WWTR1: variants seen among roughly 807,000 people sequenced by gnomAD.
The protein encoded by WWTR1 is WW domain containing transcription regulator 1.
In WWTR1, 13 loss-of-function variants were observed where a neutral mutation model predicts 40.1. That is an observed-to-expected ratio of 0.32 (90% CI 0.21 to 0.52). The LOEUF is 0.52. WWTR1 is among the 20% of genes least tolerant of loss of function. WWTR1 has a pLI of 0.97. For synonymous variants in WWTR1, 230 were observed against 210.1 expected (o/e 1.09, Z -0.82); for missense variants, 436 against 523.1 (o/e 0.83, Z 1.63).
chr3:149,568,550 A>ACCC (rs1430212120), intron 3 of WWTR1, among the ~76,000 whole-genome samples: 2 of 110,860 alleles, frequency 1.8e-5, no homozygotes, highest in Non-Finnish European at 3.6e-5. Flanking sequence ...AAAAAAAAAA[A>ACCC]AAAAAAAAAA....
At chr3:149,553,817 T>C (rs553001253) in intron 3 of WWTR1, among the ~76,000 whole-genome samples, 12 of 152,126 alleles carry the variant, frequency 7.9e-5, no homozygotes, top group African/African-American at 2.4e-4. Context: ...GCTTAACTCA[T>C]GTGAACTGGC....
chr3:149,573,182 G>A (rs559916229), intron 2 of WWTR1, among the ~76,000 whole-genome samples, 182 bp from the exon 3 acceptor site: 3 of 152,140 alleles, frequency 2.0e-5, no homozygotes, highest in East Asian at 3.9e-4. Context: ...TCCTGGTTAG[G>A]CCACACTGGG....
rs1408203039 is a variant in WWTR1, at chr3:149,520,224, T to C, written c.*581A>G. 6.6e-6 allele frequency: 1 copy of C among 152,152 alleles called. No individual in the cohort carries two copies. Among genetic ancestry groups the C allele is most frequent in the African/African-American group, 2.4e-5 (1 of 41,410 alleles). The allele number at this position is 152,152 out of a possible 1,614,324, so 9.4% of individuals were successfully genotyped here. A position where few individuals can be genotyped will look rare whatever the true frequency, so the allele number is the denominator to read the frequency against. On this transcript the variant is annotated 3_prime_UTR_variant, in exon 7 of 7. Coordinates refer to ENST00000360632, the MANE Select transcript of WWTR1 (RefSeq NM_015472.6). ...GTGTGCCTTTATAAATACAGACTAA[T>C]AAGAGCCATCAGAGCCAGCATGGAT...
chr3:149,692,077 A>G (rs969798220), intron 1 of WWTR1, among the ~76,000 whole-genome samples: 2 of 152,174 alleles, frequency 1.3e-5, no homozygotes, highest in Non-Finnish European at 2.9e-5. Flanking sequence ...ATTCCAAAAA[A>G]TAGAGGAGGA....
At chr3:149,656,756 C>T in intron 2 of WWTR1, 120 bp downstream of exon 2, 1 of 713,528 alleles carries the variant, frequency 1.4e-6, no homozygotes, top group Non-Finnish European at 1.9e-6. Context: ...CACGCACCAT[C>T]TCTCTCTTTC....
At chr3:149,584,021 C>T (rs923482387) in intron 2 of WWTR1, among the ~76,000 whole-genome samples, 5 of 152,206 alleles carry the variant, frequency 3.3e-5, no homozygotes, top group Non-Finnish European at 5.9e-5. Context: ...AGAGTAGCCA[C>T]TAAGCTACTC....
Position 149,526,134 on chromosome 3 carries a change from C to A in WWTR1, c.906-9G>T. 6.4e-7 allele frequency: 1 copy of A among 1,568,736 alleles called. No homozygotes were observed. The highest frequency in any genetic ancestry group is 8.6e-7 in the Non-Finnish European group (1 of 1,161,096). On this transcript the variant is annotated splice_polypyrimidine_tract_variant and intron_variant, in intron 5 of 6. Coordinates refer to ENST00000360632, the MANE Select transcript of WWTR1 (RefSeq NM_015472.6). The stretch of plus-strand genomic sequence containing the variant: ...TCGAATGATATGGCCCTCTGCAAAG[C>A]AAAAGATGAAGAAACTTCAATATGA...
chr3:149,594,950 C>CCT (rs1738915943), intron 2 of WWTR1, among the ~76,000 whole-genome samples: 3 of 61,772 alleles, frequency 4.9e-5, no homozygotes, highest in Non-Finnish European at 6.9e-5. Context: ...CTCTTTTTTA[C>CCT]TTTTTTTTTT....
chr3:149,683,929 C>T (rs1332612725), intron 1 of WWTR1, among the ~76,000 whole-genome samples: 1 of 152,070 alleles, frequency 6.6e-6, no homozygotes, highest in Non-Finnish European at 1.5e-5. Context: ...CTCCTCAAGG[C>T]TCTTCATTAG....
At chr3:149,542,817 A>G (rs1436192185) in intron 3 of WWTR1, among the ~76,000 whole-genome samples, 1 of 152,186 alleles carries the variant, frequency 6.6e-6, no homozygotes, top group Non-Finnish European at 1.5e-5. Flanking sequence ...CCTTACATAG[A>G]ACATAGTGGT....
At chr3:149,571,458 CT>C (rs1388810028) in intron 3 of WWTR1, among the ~76,000 whole-genome samples, 3 of 152,074 alleles carry the variant, frequency 2.0e-5, no homozygotes, top group Non-Finnish European at 4.4e-5. Context: ...TCACTGGAGG[CT>C]TTGGTTTACC....
intron 2 of WWTR1, among the ~76,000 whole-genome samples, chr3:149,621,665 A>T (rs1740278724): frequency 6.6e-6 from 1 of 152,258 alleles, no homozygotes. Context: ...ACATTCACTC[A>T]GAAGACAGAA....
intron 4 of WWTR1, among the ~76,000 whole-genome samples, chr3:149,537,929 T>A (rs1735909408): frequency 6.6e-6 from 1 of 152,130 alleles, no homozygotes; most frequent in South Asian, 2.1e-4. Flanking sequence ...TTTTTAATTT[T>A]TTTTTTTTGA....
intron 1 of WWTR1, among the ~76,000 whole-genome samples, chr3:149,675,093 T>C (rs1267814154): frequency 2.0e-5 from 3 of 152,214 alleles, no homozygotes; most frequent in Non-Finnish European, 4.4e-5. Context: ...TCATATATCT[T>C]ACTTCTTTTG....
chr3:149,602,307 G>A (rs1279093681), intron 2 of WWTR1, among the ~76,000 whole-genome samples: 2 of 152,182 alleles, frequency 1.3e-5, no homozygotes, highest in African/African-American at 4.8e-5. Flanking sequence ...GCATTCACAT[G>A]TATTTTTGCT....
intron 2 of WWTR1, among the ~76,000 whole-genome samples, chr3:149,650,471 G>T (rs1183927552): frequency 6.6e-6 from 1 of 152,062 alleles, no homozygotes; most frequent in East Asian, 1.9e-4. Flanking sequence ...TCACTGTGAG[G>T]GTTAAAAGAA....
chr3:149,720,140 G>GT (rs1177013252), intron 4 of WWTR1, among the ~76,000 whole-genome samples: 7 of 151,986 alleles, frequency 4.6e-5, no homozygotes, highest in Admixed American at 1.3e-4. Flanking sequence ...CAATTTGTCT[G>GT]TTTTTTTCTT....
intron 2 of WWTR1, among the ~76,000 whole-genome samples, chr3:149,653,096 G>A (rs889676467): frequency 1.2e-4 from 18 of 152,268 alleles, no homozygotes; most frequent in Middle Eastern, 3.4e-3. Flanking sequence ...GTATTTAAGA[G>A]GAGGATAAAA....
intron 3 of WWTR1, among the ~76,000 whole-genome samples, chr3:149,567,269 T>C (rs1381413056): frequency 6.6e-6 from 1 of 152,132 alleles, no homozygotes; most frequent in African/African-American, 2.4e-5. Flanking sequence ...CTACTTTAAG[T>C]TGTTGCATGT....
Sources: gnomAD v4.1 joint callset for allele counts (sites outside exome capture counted in the v4.1 genomes callset) on GRCh38, gnomAD v4.1.1 for gene constraint, MANE v1.5 for transcripts, NCBI Gene and HGNC (gene_info 2026-07-23, HGNC 2026-07-21) for gene names.